Variants in ZNF615 observed in about 807,000 individuals in gnomAD.
The protein encoded by ZNF615 is zinc finger protein 615.
Under a neutral mutation model 15.3 loss-of-function variants are expected in ZNF615, and 15 were observed. The ratio of observed to expected loss-of-function variants is 0.98; its 90% CI spans 0.66 to 1.51. The LOEUF (loss-of-function observed/expected upper bound fraction) is 1.51. Among genes scored for constraint, ZNF615 ranks in the 40% most tolerant of loss-of-function variants. The pLI is 0.00. For missense variants in ZNF615, 848 were observed against 895.9 expected, an observed-to-expected ratio of 0.95 and a Z score of 0.68; for synonymous variants, 268 against 294.6, an observed-to-expected ratio of 0.91 and a Z score of 0.92.
chr19:52,000,805 C>T (rs2086569032), intron 5 of ZNF615, among the ~76,000 whole-genome samples: 1 of 151,902 alleles, frequency 6.6e-6, no homozygotes, highest in African/African-American at 2.4e-5. Context: ...ATACAAAAAT[C>T]AGCTGAGCAT....
intron 6 of ZNF615, 52 bp from the exon 7 acceptor site, chr19:51,994,889 C>T (rs747699591): frequency 4.1e-6 from 6 of 1,467,888 alleles, no homozygotes; most frequent in Non-Finnish European, 5.4e-6. Flanking sequence ...TTGAAATAAA[C>T]TATTTAAACT....
intron 6 of ZNF615, among the ~76,000 whole-genome samples, chr19:51,996,385 C>CAAAAAAAAAAAAAAAAAAAAAA (rs1172310589): frequency 2.7e-4 from 9 of 33,310 alleles, no homozygotes; most frequent in Non-Finnish European, 3.9e-4. Context: ...GACTCTGTCT[C>CAAAAAAAAAAAAAAAAAAAAAA]AAAAAAAAAA....
At chr19:51,996,764 T>G (rs2086454021) in intron 6 of ZNF615, among the ~76,000 whole-genome samples, 1 of 152,192 alleles carries the variant, frequency 6.6e-6, no homozygotes, top group African/African-American at 2.4e-5. Context: ...TTAAGTCCAC[T>G]GAAATGAACC....
Position 51,994,229 on chromosome 19 carries a change from T to C in ZNF615, c.880A>G (p.Met294Val). Residue 294 changes from methionine (M) to valine (V), a missense_variant, in exon 7 of 7, where the codon ATG (methionine) becomes GTG (valine). Coordinates refer to ENST00000598071, the MANE Select transcript of ZNF615 (RefSeq NM_001199324.2). The stretch of plus-strand genomic sequence containing the variant: ...CTACATGTGTAAGGTTTCCCTCCCA[T>C]ATGAGTTTTCTGATGTATATTGAGC... Reference protein sequence around the residue: ...SQLNIHQKTHMGGKPYTCSQC... With the variant: ...SQLNIHQKTHVGGKPYTCSQC... 6.2e-7 allele frequency: 1 copy of C among 1,614,108 alleles called. No homozygotes were observed. Among genetic ancestry groups the C allele is most frequent in the Non-Finnish European group, 8.5e-7 (1 of 1,180,018 alleles).
chr19:51,997,344 C>T (rs1311234202), intron 6 of ZNF615, among the ~76,000 whole-genome samples: 1 of 152,040 alleles, frequency 6.6e-6, no homozygotes, highest in African/African-American at 2.4e-5. Flanking sequence ...AATGTGAGAT[C>T]CTCAGCATTT....
chr19:52,001,939 C>G (rs763606751), intron 4 of ZNF615, 31 bp from the exon 5 acceptor site: 45 of 1,611,216 alleles, frequency 2.8e-5, no homozygotes, highest in Non-Finnish European at 3.6e-5. Context: ...AAGATTTAGA[C>G]AAATCAAACG....
intron 1 of ZNF615, among the ~76,000 whole-genome samples, chr19:52,007,804 C>T (rs1173402627): frequency 6.6e-6 from 1 of 152,184 alleles, no homozygotes; most frequent in African/African-American, 2.4e-5. Flanking sequence ...TTCGCAATCA[C>T]TGAGCCCCGC....
intron 6 of ZNF615, 128 bp from the exon 7 acceptor site, chr19:51,994,965 T>A: frequency 2.1e-6 from 2 of 942,530 alleles, no homozygotes; most frequent in Non-Finnish European, 2.9e-6. Context: ...TTATTTATTT[T>A]TTTGTGAGCA....
At position 51,992,839 on chromosome 19, in the gene ZNF615, T is replaced by C; in HGVS notation, c.*41A>G. On this transcript the variant is annotated 3_prime_UTR_variant, in exon 7 of 7. Coordinates refer to ENST00000598071, the MANE Select transcript of ZNF615 (RefSeq NM_001199324.2). Reference sequence around the variant, plus strand: ...ATGAAATTACTCTTCTTTGCAGATATCTTAAGGGCCTACATCTGGCAAGAG... The same window carrying C: ...ATGAAATTACTCTTCTTTGCAGATACCTTAAGGGCCTACATCTGGCAAGAG... 3.1e-6 allele frequency: 5 copies of C among 1,597,100 alleles called. No individual in the cohort carries two copies. The highest frequency in any genetic ancestry group is 2.2e-5 in the East Asian group (1 of 44,654).
Position 51,992,822 on chromosome 19 carries a change from A to G in ZNF615, c.*58T>C. On this transcript the variant is annotated 3_prime_UTR_variant, in exon 7 of 7. Transcript: ENST00000598071. ...CCATGTAGTCTGCATTCATGAAATTACTCTTCTTTGCAGATATCTTAAGGG... is the reference window on the plus strand; with the variant it reads ...CCATGTAGTCTGCATTCATGAAATTGCTCTTCTTTGCAGATATCTTAAGGG... 9 of 1,554,306 alleles carry G rather than the reference A, an allele frequency of 5.8e-6. No individual in the cohort carries two copies. The highest frequency in any genetic ancestry group is 7.9e-6 in the Non-Finnish European group (9 of 1,144,924).
chr19:52,001,958 AAT>A, intron 4 of ZNF615, 50 bp from the exon 5 acceptor site: 1 of 1,607,028 alleles, frequency 6.2e-7, no homozygotes, highest in East Asian at 2.2e-5. Context: ...CGGGGCTGGC[AAT>A]ATTGAAAAAG....
rs769017474 is a variant in ZNF615 at position 51,992,990 on chromosome 19, T to C, written c.2119A>G (p.Asn707Asp). The C allele has an allele frequency of 1.2e-6, 2 of 1,614,188 alleles. No individual in the cohort carries two copies. Among genetic ancestry groups the C allele is most frequent in the Admixed American group, 1.7e-5 (1 of 60,022 alleles). ...GKAFTTKSGL[N>D]VHQRKHTGER... Reference sequence around the variant, plus strand: ...CCTGTATGTTTTCTTTGATGAACATTGAGCCCTGATTTTGTAGTGAAGGCT... The same window carrying C: ...CCTGTATGTTTTCTTTGATGAACATCGAGCCCTGATTTTGTAGTGAAGGCT... Residue 707 changes from asparagine to aspartate, a missense_variant, in exon 7 of 7, where the codon AAT becomes GAT. By Grantham distance (23) the Asn-to-Asp change is conservative (BLOSUM62 1). Coordinates refer to ENST00000598071, the MANE Select transcript of ZNF615 (RefSeq NM_001199324.2).
Position 51,992,569 on chromosome 19 carries a change from G to C in ZNF615, c.*311C>G. Reference sequence around the variant, plus strand: ...TGTTGAAGTTTTATTTTTGGGCAAAGACGTTCCTATAATTATTACATTTCC... The same window carrying C: ...TGTTGAAGTTTTATTTTTGGGCAAACACGTTCCTATAATTATTACATTTCC... On this transcript the variant is annotated 3_prime_UTR_variant, in exon 7 of 7. Coordinates refer to ENST00000598071, the MANE Select transcript of ZNF615 (RefSeq NM_001199324.2). 1 of 245,394 alleles carries C rather than the reference G, an allele frequency of 4.1e-6. No homozygotes were observed. Among genetic ancestry groups the C allele is most frequent in the East Asian group, 8.3e-5 (1 of 12,086 alleles). The allele number at this position is 245,394 out of a possible 1,614,324, so 15.2% of individuals were successfully genotyped here. A position where few individuals can be genotyped will look rare whatever the true frequency, so the allele number is the denominator to read the frequency against.
rs1187686735 is a variant in ZNF615, at chr19:51,993,744, G to A, written c.1365C>T (p.Ile455=). 6.2e-7 allele frequency: 1 copy of A among 1,612,266 alleles called. No homozygotes were observed. Among genetic ancestry groups the A allele is most frequent in the East Asian group, 2.2e-5 (1 of 44,672 alleles). The change falls in exon 7 of 7, where the codon ATC becomes ATT. Residue 455 remains isoleucine (I), a synonymous_variant. Coordinates refer to ENST00000598071, the MANE Select transcript of ZNF615 (RefSeq NM_001199324.2). ...GKGFALKSPL[I]RHQRTHTGEK... ...CTCCAGTATGTGTTCGCTGATGTCTGATGAGTGGGCTCTTCAAAGCGAAGC... is the reference window on the plus strand; with the variant it reads ...CTCCAGTATGTGTTCGCTGATGTCTAATGAGTGGGCTCTTCAAAGCGAAGC...
rs2086250049 is a variant in ZNF615 at position 51,992,145 on chromosome 19, AATCAT to A, written c.*730_*734del. On this transcript the variant is annotated 3_prime_UTR_variant, in exon 7 of 7. Coordinates refer to ENST00000598071, the MANE Select transcript of ZNF615 (RefSeq NM_001199324.2). ...TTAGAACCAAAGAAATGCAGGAGCT[AATCAT>A]ATAATAAAATGAGGCAGGCATAAAA... The A allele has an allele frequency of 6.6e-6, 1 of 152,232 alleles. No individual in the cohort carries two copies. Among genetic ancestry groups the A allele is most frequent in the African/African-American group, 2.4e-5 (1 of 41,456 alleles). 9.4% of individuals were successfully genotyped at this position (152,232 alleles called of 1,614,324 possible).
intron 6 of ZNF615, 87 bp downstream of exon 6, chr19:52,000,259 C>T (rs2086552734): frequency 3.9e-6 from 2 of 510,274 alleles, no homozygotes; most frequent in Admixed American, 3.3e-5. Flanking sequence ...GAAGAACCAC[C>T]TATTTGGTAC....
At position 52,001,852 on chromosome 19, in the gene ZNF615, A is replaced by T. The variant is rs1317418534; in HGVS notation, c.199T>A (p.Cys67Ser). ...LSKLERGEET[C>S]TTEDEIYSRI... is the part of the protein sequence containing the mutation. ...GAGTAGATTTCATCTTCTGTTGTGC[A>T]AGTTTCTTCTCCTCGTTCCAATTTG... Residue 67 changes from cysteine to serine, a missense_variant, in exon 5 of 7, where the codon TGC becomes AGC. By Grantham distance (112) the Cys-to-Ser change is moderately radical. Coordinates refer to ENST00000598071, the MANE Select transcript of ZNF615 (RefSeq NM_001199324.2). The T allele has an allele frequency of 9.3e-6, 15 of 1,614,038 alleles. No homozygotes were observed. The highest frequency in any genetic ancestry group is 1.2e-5 in the Non-Finnish European group (14 of 1,180,000).
At position 51,993,499 on chromosome 19, in the gene ZNF615, C is replaced by T. The variant is rs201004441; in HGVS notation, c.1610G>A (p.Arg537Gln). 108 of 1,613,542 alleles carry T rather than the reference C, an allele frequency of 6.7e-5. No homozygotes were observed. Among genetic ancestry groups the T allele is most frequent in the South Asian group, 4.0e-4 (36 of 91,056 alleles). Reference sequence around the variant, plus strand: ...ATGAGTTCGTTGATGTCCCATTAGCCGGATCTTTGCTGGAAAGCCTTTTCC... The same window carrying T: ...ATGAGTTCGTTGATGTCCCATTAGCTGGATCTTTGCTGGAAAGCCTTTTCC... ...ECGKGFPAKI[R>Q]LMGHQRTHTG... is the part of the protein sequence containing the mutation. Residue 537 changes from arginine (R) to glutamine (Q), a missense_variant, in exon 7 of 7, where the codon CGG (arginine) becomes CAG (glutamine). Coordinates refer to ENST00000598071, the MANE Select transcript of ZNF615 (RefSeq NM_001199324.2).
chr19:51,993,551 C>T lies in ZNF615; in HGVS notation c.1558G>A (p.Glu520Lys). The change falls in exon 7 of 7, where the codon GAA becomes AAA. Residue 520 changes from glutamate to lysine, a missense_variant. Physicochemically the swap from Glu to Lys is moderately conservative, Grantham distance 56. Coordinates refer to ENST00000598071, the MANE Select transcript of ZNF615 (RefSeq NM_001199324.2). ...CACTCACCACATACATAGGGTTTTTCTCCAGTATGAGTTCGCTGATGCACA... is the reference window on the plus strand; with the variant it reads ...CACTCACCACATACATAGGGTTTTTTTCCAGTATGAGTTCGCTGATGCACA... Reference protein sequence around the residue: ...LIVHQRTHTGEKPYVCGECGK... With the variant: ...LIVHQRTHTGKKPYVCGECGK... The T allele has an allele frequency of 6.2e-7, 1 of 1,614,022 alleles. No homozygotes were observed. The highest frequency in any genetic ancestry group is 8.5e-7 in the Non-Finnish European group (1 of 1,180,012).
Sources: allele counts gnomAD v4.1 joint callset (sites outside exome capture counted in the v4.1 genomes callset), GRCh38; gene constraint gnomAD v4.1.1; transcripts MANE v1.5; gene names NCBI Gene and HGNC (gene_info 2026-07-23, HGNC 2026-07-21).